The following P2RY8 variants were observed in gnomAD, a reference collection of about 807,000 sequenced individuals.
The protein encoded by P2RY8 is P2Y receptor family member 8, also known as S-geranylgeranyl-glutathione receptor P2RY8.
Under a neutral mutation model 10.0 loss-of-function variants are expected in P2RY8, and 6 were observed. That is an observed-to-expected ratio of 0.60 (90% CI 0.33 to 1.19). The LOEUF is 1.19. Ranked by LOEUF, P2RY8 falls within the 50% of genes most tolerant of loss-of-function variation. The pLI, the probability that P2RY8 is intolerant of heterozygous loss-of-function variation, is 0.04. For missense variants in P2RY8, 456 were observed against 542.0 expected (o/e 0.84, Z 1.58); for synonymous variants, 276 against 252.5 (o/e 1.09, Z -0.88).
At chrX:1,466,656 GCGC>G in intron 1 of P2RY8, 74 bp from the exon 2 acceptor site, 1 of 1,418,200 alleles carries the variant, frequency 7.1e-7, no homozygotes, top group Non-Finnish European at 9.5e-7. Context: ...GGGCTCCTGA[GCGC>G]CGCTCCCCGG....
chrX:1,525,106 C>T (rs573230871), intron 1 of P2RY8, among the ~76,000 whole-genome samples: 2 of 152,284 alleles, frequency 1.3e-5, no homozygotes, highest in South Asian at 4.1e-4. Flanking sequence ...TGAGTGGGGA[C>T]CCCCCAAAAT....
At chrX:1,492,052 C>G (rs1405174853) in intron 1 of P2RY8, among the ~76,000 whole-genome samples, 1 of 152,198 alleles carries the variant, frequency 6.6e-6, no homozygotes, top group Non-Finnish European at 1.5e-5. Context: ...TCCATGGAAA[C>G]TGTGCACCCA....
At chrX:1,517,264 C>A (rs185562748) in intron 1 of P2RY8, among the ~76,000 whole-genome samples, 2 of 151,954 alleles carry the variant, frequency 1.3e-5, no homozygotes, top group African/African-American at 4.8e-5. Context: ...CAGAGAGGGA[C>A]GACCCCGTGA....
chrX:1,506,557 G>A (rs113562996), intron 1 of P2RY8, among the ~76,000 whole-genome samples: 9,097 of 152,176 alleles, frequency 0.06, 904 homozygotes, highest in African/African-American at 0.21. Context: ...AGAGAGAGGT[G>A]TTTGGATGTA....
intron 1 of P2RY8, among the ~76,000 whole-genome samples, chrX:1,524,669 T>TC (rs1556686043): frequency 7.8e-5 from 4 of 51,062 alleles, no homozygotes; most frequent in African/African-American, 2.5e-4. Flanking sequence ...ATCCATCCAT[T>TC]CATCCATCCA....
chrX:1,504,672 T>A (rs2092213567), intron 1 of P2RY8, among the ~76,000 whole-genome samples: 1 of 151,950 alleles, frequency 6.6e-6, no homozygotes, highest in Non-Finnish European at 1.5e-5. Context: ...GCCAACATGG[T>A]GAAATCCCAT....
intron 1 of P2RY8, among the ~76,000 whole-genome samples, chrX:1,536,403 A>T (rs1366110388): frequency 6.6e-6 from 1 of 151,920 alleles, no homozygotes; most frequent in Non-Finnish European, 1.5e-5. Context: ...CTGGGACCGC[A>T]GGCGCCCACC....
chrX:1,480,511 C>A (rs1288875877), intron 1 of P2RY8, among the ~76,000 whole-genome samples: 4 of 105,186 alleles, frequency 3.8e-5, no homozygotes, highest in Non-Finnish European at 4.0e-5. Context: ...TCTCAGCCTC[C>A]TGTGTAAGCT....
At chrX:1,509,123 CT>C (rs2149402087) in intron 1 of P2RY8, among the ~76,000 whole-genome samples, 1 of 151,740 alleles carries the variant, frequency 6.6e-6, no homozygotes, top group South Asian at 2.1e-4. Context: ...ATCTATCTAT[CT>C]ATCTATCTAT....
intron 1 of P2RY8, among the ~76,000 whole-genome samples, chrX:1,529,851 G>T (rs1331935275): frequency 6.6e-6 from 1 of 151,810 alleles, no homozygotes; most frequent in African/African-American, 2.4e-5. Context: ...TCAACTAGGG[G>T]TGATTTTTCT....
At chrX:1,530,789 TTCTA>T (rs57510065) in intron 1 of P2RY8, among the ~76,000 whole-genome samples, 10,839 of 151,490 alleles carry the variant, frequency 0.072, 520 homozygotes, top group Non-Finnish European at 0.1. Flanking sequence ...TATGTATCTT[TTCTA>T]TCTATCTCTA....
chrX:1,534,206 T>G (rs2092507514), intron 1 of P2RY8, among the ~76,000 whole-genome samples: 1 of 140,892 alleles, frequency 7.1e-6, no homozygotes, highest in Admixed American at 7.6e-5. Context: ...ACATATATAT[T>G]TATATACTTA....
At chrX:1,477,849 G>A (rs1215265330) in intron 1 of P2RY8, among the ~76,000 whole-genome samples, 5 of 152,150 alleles carry the variant, frequency 3.3e-5, no homozygotes, top group South Asian at 2.1e-4. Context: ...AGAGGCTTTC[G>A]GGGAGAGAAA....
intron 1 of P2RY8, among the ~76,000 whole-genome samples, chrX:1,532,381 T>C (rs184567370): frequency 0.016 from 2,304 of 145,408 alleles, 82 homozygotes; most frequent in African/African-American, 0.053. Context: ...GTATATGATG[T>C]GTGTATATGC....
At chrX:1,494,458 C>T (rs1386897147) in intron 1 of P2RY8, 4 of 152,024 alleles carry the variant, frequency 2.6e-5, no homozygotes, top group African/African-American at 4.8e-5. Context: ...GCCCTGGGCC[C>T]CAGGGAGCGA....
chrX:1,467,963 G>A (rs1243634699), intron 1 of P2RY8, among the ~76,000 whole-genome samples: 3 of 151,856 alleles, frequency 2.0e-5, no homozygotes, highest in Admixed American at 2.0e-4. Context: ...ACAGGTGACA[G>A]TACCTCCGTG....
rs551736757 is a variant in P2RY8 at position 1,520,757 on chromosome X, T to C, written c.-25+16164A>G. On this transcript the variant is annotated intron_variant, in intron 1 of 1. Coordinates refer to ENST00000381297, the MANE Select transcript of P2RY8 (RefSeq NM_178129.5). Reference sequence around the variant, plus strand: ...TCTCTGGTCCTCAATCATCTTCTTGTCTCCCAATAATCTCCCTGATCCCCA... The same window carrying C: ...TCTCTGGTCCTCAATCATCTTCTTGCCTCCCAATAATCTCCCTGATCCCCA... Among the ~76,000 whole-genome samples, 6 of 151,380 alleles carry C rather than the reference T, an allele frequency of 4.0e-5. No homozygotes were observed. In the South Asian group the frequency reaches 6.3e-4, roughly 16 times the overall value.
At chrX:1,530,314 A>G (rs181620786) in intron 1 of P2RY8, among the ~76,000 whole-genome samples, 67 of 143,600 alleles carry the variant, frequency 4.7e-4, no homozygotes, top group African/African-American at 1.3e-3. Flanking sequence ...TCTATCTGTC[A>G]TCTATCTATA....
chrX:1,536,633 G>T (rs1336612012), intron 1 of P2RY8, among the ~76,000 whole-genome samples: 6 of 152,182 alleles, frequency 3.9e-5, no homozygotes, highest in African/African-American at 1.2e-4. Context: ...CTGACCTCGT[G>T]ATCCGCCCAC....
Sources: allele counts gnomAD v4.1 joint callset (sites outside exome capture counted in the v4.1 genomes callset), GRCh38; gene constraint gnomAD v4.1.1; transcripts MANE v1.5; gene names NCBI Gene and HGNC (gene_info 2026-07-23, HGNC 2026-07-21).